The following NBEA variants were observed in gnomAD, a reference collection of about 807,000 sequenced individuals.
NBEA encodes the protein neurobeachin, also known as lysosomal-trafficking regulator 2.
A neutral mutation model predicts 343.4 loss-of-function variants in NBEA; 44 were observed. The ratio of observed to expected loss-of-function variants is 0.13; its 90% CI spans 0.10 to 0.16. NBEA has a LOEUF of 0.16. Among genes scored for constraint, NBEA ranks in the 10% least tolerant of loss-of-function variants. NBEA has a pLI of 1.00. For synonymous variants in NBEA, 1,175 were observed against 1,238.7 expected, an observed-to-expected ratio of 0.95 and a Z score of 1.08; for missense variants, 2,555 against 3,631.3, an observed-to-expected ratio of 0.70 and a Z score of 7.62.
chr13:35,435,132 G>A (rs1366996656), intron 39 of NBEA, among the ~76,000 whole-genome samples: 6 of 151,954 alleles, frequency 3.9e-5, no homozygotes, highest in East Asian at 1.9e-4. Flanking sequence ...GGGTTCAAGC[G>A]ATTCTTCTGC....
Position 35,045,054 on chromosome 13 carries a change from T to C in NBEA, c.627+7T>C. 6.2e-7 allele frequency: 1 copy of C among 1,601,722 alleles called. No individual in the cohort carries two copies. Among genetic ancestry groups the C allele is most frequent in the Admixed American group, 1.7e-5 (1 of 58,410 alleles). On this transcript the variant is annotated splice_region_variant and intron_variant, in intron 3 of 58. Coordinates refer to ENST00000379939, the MANE Select transcript of NBEA (RefSeq NM_001385012.1). The stretch of plus-strand genomic sequence containing the variant: ...AGGAGAAAGTGGAATCTGGGTAAGC[T>C]GTGGTCGGAGGGAAAGGTATTCAGT...
chr13:35,614,459 G>A (rs1490771389), intron 48 of NBEA, among the ~76,000 whole-genome samples: 1 of 152,116 alleles, frequency 6.6e-6, no homozygotes, highest in African/African-American at 2.4e-5. Context: ...ATGAAAATTG[G>A]TTGTTTACAA....
chr13:35,260,082 G>A (rs1348988488), intron 34 of NBEA, among the ~76,000 whole-genome samples: 1 of 152,130 alleles, frequency 6.6e-6, no homozygotes, highest in African/African-American at 2.4e-5. Flanking sequence ...TACAATCAAG[G>A]ATTTTACTTC....
At chr13:35,387,146 T>G (rs1269567020) in intron 38 of NBEA, among the ~76,000 whole-genome samples, 1 of 152,192 alleles carries the variant, frequency 6.6e-6, no homozygotes, top group Non-Finnish European at 1.5e-5. Context: ...TTTTTATCCC[T>G]GTATATAAAA....
chr13:35,245,846 G>A (rs1168731650), intron 34 of NBEA, among the ~76,000 whole-genome samples: 1 of 152,112 alleles, frequency 6.6e-6, no homozygotes, highest in African/African-American at 2.4e-5. Flanking sequence ...ACCGAAGCTG[G>A]AGAAGTTTCC....
rs550107400 is a variant in NBEA at position 35,520,775 on chromosome 13, T to C, written c.6586-29702T>C. Among the ~76,000 whole-genome samples the C allele has an allele frequency of 3.3e-5, 5 of 152,326 alleles. No homozygotes were observed. The South Asian group carries it at 1.0e-3, about 32-fold the overall frequency. On this transcript the variant is annotated intron_variant, in intron 41 of 58. Coordinates refer to ENST00000379939, the MANE Select transcript of NBEA (RefSeq NM_001385012.1). ...GTCTTCTGGCGTCTCACAACTGTCC[T>C]CTCCCTTTAGCCCTCAGACTCCTTT...
chr13:35,159,016 G>A lies in NBEA; in HGVS notation c.2845G>A (p.Val949Ile). The A allele has an allele frequency of 6.3e-7, 1 of 1,576,676 alleles. No individual in the cohort carries two copies. The highest frequency in any genetic ancestry group is 8.6e-7 in the Non-Finnish European group (1 of 1,165,802). ...VDTLSIAHSK[V>I]TYEAHKEYLA... ...AATGTTTTCTTTACTTATTCCTAAG[G>A]TCACTTATGAAGCTCATAAGGAATA... Residue 949 changes from valine (V) to isoleucine (I), a missense_variant and splice_region_variant, in exon 22 of 59, where the codon GTC becomes ATC. By Grantham distance (29) the Val-to-Ile change is conservative. This residue lies in a region of NBEA where 6 missense variants were observed against 32.7 expected (regional missense o/e 0.18). Transcript: ENST00000379939.
At chr13:35,003,653 T>C (rs1427813955) in intron 1 of NBEA, among the ~76,000 whole-genome samples, 1 of 152,230 alleles carries the variant, frequency 6.6e-6, no homozygotes, top group Non-Finnish European at 1.5e-5. Flanking sequence ...TGTGATTGTT[T>C]ATATGTTCCC....
chr13:35,392,475 G>A (rs1241142650), intron 38 of NBEA, among the ~76,000 whole-genome samples: 2 of 133,106 alleles, frequency 1.5e-5, no homozygotes, highest in African/African-American at 5.8e-5. Context: ...GTGTGGTTTT[G>A]TTTTTTTTGT....
chr13:35,193,039 G>A lies in NBEA; in HGVS notation c.4928-2825G>A, dbSNP rs192295510. On this transcript the variant is annotated intron_variant, in intron 30 of 58. Transcript: ENST00000379939. ...TTAAACTCTATAAAAATTAGCCCAT[G>A]CTAGTAACCATGACACTGTTTTGTT... Among the ~76,000 whole-genome samples, 399 of 151,974 alleles carry A rather than the reference G, an allele frequency of 2.6e-3. 2 individuals carry two copies. The highest frequency in any genetic ancestry group is 9.0e-3 in the African/African-American group (376 of 41,556).
intron 1 of NBEA, among the ~76,000 whole-genome samples, chr13:35,028,787 T>C (rs1023219270): frequency 4.0e-5 from 6 of 150,462 alleles, no homozygotes; most frequent in Non-Finnish European, 7.4e-5. Flanking sequence ...ATTTCCCCCT[T>C]CCTCATCTTT....
chr13:35,160,965 A>G, intron 22 of NBEA, among the ~76,000 whole-genome samples: 1 of 152,198 alleles, frequency 6.6e-6, no homozygotes, highest in Non-Finnish European at 1.5e-5. Flanking sequence ...TTAGGTTTAT[A>G]CTATGAAGAG....
chr13:35,618,941 G>C (rs2082857033), intron 48 of NBEA, among the ~76,000 whole-genome samples: 2 of 152,062 alleles, frequency 1.3e-5, no homozygotes, highest in African/African-American at 4.8e-5. Context: ...AGTCAGCAGA[G>C]CATGCACAGC....
intron 35 of NBEA, among the ~76,000 whole-genome samples, chr13:35,301,559 G>A (rs772584619): frequency 8.5e-5 from 13 of 152,104 alleles, no homozygotes; most frequent in Non-Finnish European, 1.8e-4. Context: ...TGGTGTATAT[G>A]TGCCACATTT....
chr13:35,243,841 A>G (rs1188488349), intron 34 of NBEA, among the ~76,000 whole-genome samples: 1 of 151,906 alleles, frequency 6.6e-6, no homozygotes, highest in African/African-American at 2.4e-5. Flanking sequence ...GGATAAAGCA[A>G]CCAGGTAAAA....
In NBEA at chr13:35,177,095, C is replaced by T. The variant is rs1383053577; in HGVS notation, c.4654C>T (p.Arg1552Trp). ...CAATCGCCTTCGTGCTGTTGTCTTT[C>T]GGGATGTGGTAAGTTATACCTGATT... Reference protein sequence around the residue: ...DINRLRAVVFRDVDDSKQAQF... With the variant: ...DINRLRAVVFWDVDDSKQAQF... Residue 1552 changes from arginine to tryptophan, a missense_variant, in exon 28 of 59, where the codon CGG becomes TGG. Physicochemically the swap from Arg to Trp is moderately radical, Grantham distance 101. Transcript: ENST00000379939. The T allele has an allele frequency of 1.9e-6, 3 of 1,595,014 alleles. No individual in the cohort carries two copies. The highest frequency in any genetic ancestry group is 2.3e-5 in the East Asian group (1 of 44,108).
intron 45 of NBEA, among the ~76,000 whole-genome samples, chr13:35,573,840 C>G (rs1233113529): frequency 1.3e-5 from 2 of 152,174 alleles, no homozygotes; most frequent in Non-Finnish European, 2.9e-5. Context: ...CACATGTCAC[C>G]TCTGTGTCTA....
chr13:35,467,618 T>G (rs921901890), intron 40 of NBEA, among the ~76,000 whole-genome samples: 10 of 152,298 alleles, frequency 6.6e-5, no homozygotes, highest in African/African-American at 2.2e-4. Flanking sequence ...CCTGATTTCT[T>G]TGGAATAATA....
intron 10 of NBEA, among the ~76,000 whole-genome samples, chr13:35,084,673 C>G (rs1186501142): frequency 6.6e-6 from 1 of 151,924 alleles, no homozygotes. Context: ...ATTAAAAGAA[C>G]TAGAGAAGCA....
Sources: gnomAD v4.1 joint callset for allele counts (sites outside exome capture counted in the v4.1 genomes callset) on GRCh38, gnomAD v4.1.1 for gene constraint, gnomAD v4.1.1 regional missense constraint, MANE v1.5 for transcripts, NCBI Gene and HGNC (gene_info 2026-07-23, HGNC 2026-07-21) for gene names.